Variants in SORCS1 observed in about 807,000 individuals in gnomAD.
The protein encoded by SORCS1 is sortilin related VPS10 domain containing receptor 1, also known as VPS10 domain-containing receptor SorCS1.
A neutral mutation model predicts 146.1 loss-of-function variants in SORCS1; 60 were observed. The ratio of observed to expected loss-of-function variants is 0.41; its 90% CI spans 0.33 to 0.51. The LOEUF is 0.51. Ranked by LOEUF, SORCS1 falls within the 20% of genes least tolerant of loss-of-function variation. The pLI is 0.21. For synonymous variants in SORCS1, 637 were observed against 584.0 expected, an observed-to-expected ratio of 1.09 and a Z score of -1.31; for missense variants, 1,352 against 1,487.6, an observed-to-expected ratio of 0.91 and a Z score of 1.50.
chr10:106,799,770 T>C (rs1946771853), intron 3 of SORCS1, among the ~76,000 whole-genome samples: 1 of 152,184 alleles, frequency 6.6e-6, no homozygotes, highest in African/African-American at 2.4e-5. Context: ...GGAACACTTT[T>C]CCACTGTTGG....
At chr10:107,065,351 C>T (rs185248133) in intron 1 of SORCS1, among the ~76,000 whole-genome samples, 2 of 151,614 alleles carry the variant, frequency 1.3e-5, no homozygotes, top group East Asian at 1.9e-4. Flanking sequence ...TAAAAAGAGC[C>T]ACGGTTAACA....
In SORCS1 at chr10:106,659,407, T is replaced by C. The variant is rs188345462; in HGVS notation, c.2304-6854A>G. Among the ~76,000 whole-genome samples, 324 of 152,302 alleles carry C rather than the reference T, an allele frequency of 2.1e-3. 2 individuals carry two copies. The highest frequency in any genetic ancestry group is 7.5e-3 in the African/African-American group (310 of 41,576). Reference sequence around the variant, plus strand: ...ACACACTTCACTAAATCACTTAATATCGAGAATCATACTGATTGAGAATGG... The same window carrying C: ...ACACACTTCACTAAATCACTTAATACCGAGAATCATACTGATTGAGAATGG... On this transcript the variant is annotated intron_variant, in intron 17 of 25. Coordinates refer to ENST00000263054, the MANE Select transcript of SORCS1 (RefSeq NM_052918.5).
intron 1 of SORCS1, among the ~76,000 whole-genome samples, chr10:107,116,597 C>G (rs1399993518): frequency 2.0e-5 from 3 of 152,068 alleles, no homozygotes; most frequent in Non-Finnish European, 4.4e-5. Flanking sequence ...TATAATTTCA[C>G]TTATATGTAG....
At chr10:106,762,469 T>C (rs1859203931) in intron 4 of SORCS1, among the ~76,000 whole-genome samples, 1 of 139,308 alleles carries the variant, frequency 7.2e-6, no homozygotes, top group South Asian at 2.5e-4. Flanking sequence ...CTCGGCTCAC[T>C]GCAAGCTCTG....
chr10:107,009,552 AT>A (rs1564921219), intron 1 of SORCS1, among the ~76,000 whole-genome samples: 2 of 152,360 alleles, frequency 1.3e-5, no homozygotes, highest in South Asian at 4.1e-4. Flanking sequence ...ACACAATGTT[AT>A]TGAGTTTAGG....
chr10:106,922,853 C>A (rs1952780421), intron 2 of SORCS1, among the ~76,000 whole-genome samples: 1 of 151,950 alleles, frequency 6.6e-6, no homozygotes, highest in South Asian at 2.1e-4. Context: ...CTATTCATCC[C>A]TCCCTTCCTG....
chr10:106,763,974 A>AATG (rs1393090730), intron 4 of SORCS1, among the ~76,000 whole-genome samples: 1 of 152,232 alleles, frequency 6.6e-6, no homozygotes, highest in African/African-American at 2.4e-5. Context: ...GGAAAAAGAT[A>AATG]ATGATTTTGT....
At chr10:106,898,672 G>C (rs534126214) in intron 2 of SORCS1, among the ~76,000 whole-genome samples, 2 of 152,112 alleles carry the variant, frequency 1.3e-5, no homozygotes, top group Admixed American at 6.6e-5. Flanking sequence ...CCAGACTTGT[G>C]GGGGAGTGGA....
intron 3 of SORCS1, among the ~76,000 whole-genome samples, chr10:106,804,060 G>GA (rs1410414622): frequency 2.0e-5 from 3 of 152,128 alleles, no homozygotes; most frequent in Non-Finnish European, 4.4e-5. Context: ...TGTTTCATTA[G>GA]AAAGAGGAAG....
At chr10:106,940,166 C>T in intron 2 of SORCS1, among the ~76,000 whole-genome samples, 1 of 152,184 alleles carries the variant, frequency 6.6e-6, no homozygotes. Flanking sequence ...ATATCTGTCA[C>T]CTCCCTCAAG....
chr10:106,801,917 A>G (rs1030917663), intron 3 of SORCS1, among the ~76,000 whole-genome samples: 1 of 152,214 alleles, frequency 6.6e-6, no homozygotes, highest in Admixed American at 6.5e-5. Context: ...TAAGTGGCCA[A>G]ACCAGGATTG....
At chr10:106,925,026 A>C (rs1374751359) in intron 2 of SORCS1, among the ~76,000 whole-genome samples, 1 of 141,172 alleles carries the variant, frequency 7.1e-6, no homozygotes, top group African/African-American at 2.5e-5. Context: ...ATTATTTTAA[A>C]AATAGTACTT....
intron 9 of SORCS1, 130 bp from the exon 10 acceptor site, chr10:106,688,468 G>A: frequency 2.0e-6 from 2 of 986,352 alleles, no homozygotes; most frequent in Non-Finnish European, 2.9e-6. Context: ...GGTTGACGAT[G>A]GGGGAAGGAG....
intron 2 of SORCS1, among the ~76,000 whole-genome samples, chr10:106,933,983 A>G (rs1169771581): frequency 1.3e-5 from 2 of 151,824 alleles, no homozygotes; most frequent in Non-Finnish European, 2.9e-5. Context: ...AATCCCAGCT[A>G]CTTGGGAGGA....
intron 2 of SORCS1, among the ~76,000 whole-genome samples, chr10:106,833,938 C>T (rs1463390075): frequency 2.6e-5 from 4 of 152,188 alleles, no homozygotes; most frequent in Non-Finnish European, 4.4e-5. Flanking sequence ...GGACTACAGG[C>T]GCCCGCCACC....
chr10:106,849,676 T>A (rs1047569623), intron 2 of SORCS1, among the ~76,000 whole-genome samples: 6 of 151,144 alleles, frequency 4.0e-5, no homozygotes, highest in African/African-American at 1.5e-4. Context: ...GTTTTAGAGT[T>A]TCCAGTTTTT....
intron 2 of SORCS1, among the ~76,000 whole-genome samples, chr10:106,930,630 C>T (rs2138583193): frequency 6.6e-6 from 1 of 152,316 alleles, no homozygotes; most frequent in Middle Eastern, 3.4e-3. Context: ...GGCTTTATAA[C>T]ATCGCATGCT....
chr10:107,175,432 A>ATTTC, the SORCS1 span, among the ~76,000 whole-genome samples: 1,325 of 151,696 alleles, frequency 8.7e-3, 15 homozygotes, highest in African/African-American at 0.028. Flanking sequence ...ACCTATTTAG[A>ATTTC]TTTCTTTCTT....
At chr10:106,687,323 T>C (rs1443152043) in intron 10 of SORCS1, among the ~76,000 whole-genome samples, 3 of 152,178 alleles carry the variant, frequency 2.0e-5, no homozygotes, top group African/African-American at 7.2e-5. Flanking sequence ...ATATATCAAA[T>C]ATATAAATAA....
Sources: allele counts gnomAD v4.1 joint callset (sites outside exome capture counted in the v4.1 genomes callset), GRCh38; gene constraint gnomAD v4.1.1; transcripts MANE v1.5; gene names NCBI Gene and HGNC (gene_info 2026-07-23, HGNC 2026-07-21).